The following GINM1 variants were observed in gnomAD, a reference collection of about 807,000 sequenced individuals.
GINM1 encodes the protein glycosylated integral membrane protein 1.
A neutral mutation model predicts 37.8 loss-of-function variants in GINM1; 29 were observed. The ratio of observed to expected loss-of-function variants is 0.77; its 90% CI spans 0.57 to 1.05. The LOEUF (loss-of-function observed/expected upper bound fraction) is 1.05, where lower values mean the gene tolerates loss of function less well. Ranked by LOEUF, GINM1 falls within the 50% of genes least tolerant of loss-of-function variation. The pLI is 0.00. For synonymous variants in GINM1, 143 were observed against 146.2 expected (o/e 0.98, Z 0.16); for missense variants, 377 against 397.9 (o/e 0.95, Z 0.45).
intron 3 of GINM1, chr6:149,578,017 T>TCTAGA (rs1777940945): frequency 1.3e-5 from 2 of 152,308 alleles, no homozygotes; most frequent in South Asian, 4.1e-4. Flanking sequence ...CTTTCCCCAT[T>TCTAGA]CCTGCTCTCT....
chr6:149,570,768 G>A (rs1465562982), intron 1 of GINM1, among the ~76,000 whole-genome samples: 1 of 152,168 alleles, frequency 6.6e-6, no homozygotes, highest in African/African-American at 2.4e-5. Flanking sequence ...CAAAGAAAAA[G>A]TATTTGAGAG....
intron 1 of GINM1, among the ~76,000 whole-genome samples, chr6:149,567,639 C>CA (rs768126964): frequency 1.1e-4 from 17 of 152,110 alleles, no homozygotes; most frequent in Non-Finnish European, 2.2e-4. Flanking sequence ...CAAAACAAAA[C>CA]AAACAAACAA....
In GINM1 at chr6:149,590,878, C is replaced by G. The variant is rs1439648236; in HGVS notation, c.*40C>G. 3.2e-6 allele frequency: 3 copies of G among 937,738 alleles called. No homozygotes were observed. Among genetic ancestry groups the G allele is most frequent in the African/African-American group, 1.7e-5 (1 of 60,198 alleles). 58.1% of individuals were successfully genotyped at this position (937,738 alleles called of 1,614,324 possible). A position where few individuals can be genotyped will look rare whatever the true frequency, so the allele number is the denominator to read the frequency against. ...TCATGGACTCCGAAGTAGCCTGTTG[C>G]CTCCAAATTTGCCACTTGAATATAA... On this transcript the variant is annotated 3_prime_UTR_variant, in exon 8 of 8. Coordinates refer to ENST00000367419, the MANE Select transcript of GINM1 (RefSeq NM_138785.5).
chr6:149,582,377 A>T, intron 6 of GINM1, 63 bp from the exon 7 acceptor site: 1 of 1,397,374 alleles, frequency 7.2e-7, no homozygotes, highest in Non-Finnish European at 9.9e-7. Flanking sequence ...AACATTAAAA[A>T]ATTTAAAGTT....
chr6:149,578,850 G>C lies in GINM1; in HGVS notation c.306G>C (p.Glu102Asp). ...IVKNENLENL[E>D]EKEYFGIVSV... is the part of the protein sequence containing the mutation. ...AGAATGAAAATCTTGAAAATTTGGA[G>C]GAAAAAGAATATTTTGGAATTGTCA... Residue 102 changes from glutamate to aspartate, a missense_variant, in exon 4 of 8, where the codon GAG (glutamate) becomes GAC (aspartate). Glu to Asp is a conservative substitution (Grantham distance 45). Coordinates refer to ENST00000367419, the MANE Select transcript of GINM1 (RefSeq NM_138785.5). The C allele has an allele frequency of 6.3e-7, 1 of 1,583,146 alleles. No homozygotes were observed. Among genetic ancestry groups the C allele is most frequent in the Non-Finnish European group, 8.6e-7 (1 of 1,161,924 alleles).
At chr6:149,570,154 A>ATG (rs1777791695) in intron 1 of GINM1, among the ~76,000 whole-genome samples, 1 of 39,434 alleles carries the variant, frequency 2.5e-5, no homozygotes, top group Non-Finnish European at 4.7e-5. Context: ...ATATATATAT[A>ATG]TATATATATA....
chr6:149,590,362 A>G (rs897301998), intron 7 of GINM1, among the ~76,000 whole-genome samples: 2 of 152,230 alleles, frequency 1.3e-5, no homozygotes, highest in East Asian at 1.9e-4. Flanking sequence ...GAGCAACACT[A>G]TCTAAAGACC....
intron 7 of GINM1, among the ~76,000 whole-genome samples, chr6:149,588,612 G>A (rs990769022): frequency 1.3e-5 from 2 of 151,914 alleles, no homozygotes; most frequent in Admixed American, 6.6e-5. Context: ...TAAAATTATG[G>A]GGCTTTTTTT....
chr6:149,576,830 C>T (rs977198208), intron 3 of GINM1, among the ~76,000 whole-genome samples: 1 of 152,154 alleles, frequency 6.6e-6, no homozygotes, highest in African/African-American at 2.4e-5. Context: ...TGAGGCTCTT[C>T]TCACATTGCT....
chr6:149,569,797 C>T (rs1028842646), intron 1 of GINM1, among the ~76,000 whole-genome samples: 2 of 152,026 alleles, frequency 1.3e-5, no homozygotes, highest in African/African-American at 4.8e-5. Context: ...CTTAGGAAGA[C>T]ACTTATGTCC....
intron 7 of GINM1, among the ~76,000 whole-genome samples, chr6:149,587,562 A>G (rs996747032): frequency 1.2e-4 from 18 of 152,320 alleles, no homozygotes; most frequent in African/African-American, 4.3e-4. Flanking sequence ...TACAAAGGAA[A>G]CATGAAGAGG....
In GINM1 at chr6:149,570,134, TTTTATA is replaced by T. The variant is rs1777787930; in HGVS notation, c.121-2149_121-2144del. 2.2e-4 allele frequency among the ~76,000 whole-genome samples: 21 copies of T among 96,132 alleles called. 4 individuals carry two copies. Among genetic ancestry groups the T allele is most frequent in the African/African-American group, 8.7e-4 (18 of 20,646 alleles). The allele number at this position is 96,132 out of a possible 152,430, so 63.1% of individuals were successfully genotyped here. A position where few individuals can be genotyped will look rare whatever the true frequency, so the allele number is the denominator to read the frequency against. ...AAACTCTGTAATTTTACTAGGTAGG[TTTTATA>T]TATATATATATATATATATATATAT... On this transcript the variant is annotated intron_variant, in intron 1 of 7. Coordinates refer to ENST00000367419, the MANE Select transcript of GINM1 (RefSeq NM_138785.5).
chr6:149,580,965 T>A (rs1477373684), intron 6 of GINM1, among the ~76,000 whole-genome samples: 1 of 152,246 alleles, frequency 6.6e-6, no homozygotes, highest in Non-Finnish European at 1.5e-5. Flanking sequence ...GTTGGAATTA[T>A]AAATTCCACA....
rs73781243 is a variant in GINM1 at position 149,590,762 on chromosome 6, C to G, written c.917C>G (p.Pro306Arg). 6.4e-4 allele frequency: 1,020 copies of G among 1,596,970 alleles called. 6 individuals carry two copies. In the African/African-American group the frequency reaches 0.012, roughly 19 times the overall value. Residue 306 changes from proline to arginine, a missense_variant, in exon 8 of 8, where the codon CCT becomes CGT. Physicochemically the swap from Pro to Arg is moderately radical, Grantham distance 103. Coordinates refer to ENST00000367419, the MANE Select transcript of GINM1 (RefSeq NM_138785.5). ...CAGTTGGATAAAGTGGACGTCATAC[C>G]TGTGACAGCTATCAACTTATATCCA... is the stretch of plus-strand genomic sequence containing the variant. ...ILQLDKVDVI[P>R]VTAINLYPDG...
chr6:149,574,834 G>C (rs1777890668), intron 3 of GINM1, among the ~76,000 whole-genome samples: 2 of 152,132 alleles, frequency 1.3e-5, no homozygotes, highest in Admixed American at 1.3e-4. Flanking sequence ...TACCACTGTA[G>C]TCCATCCTGG....
intron 1 of GINM1, among the ~76,000 whole-genome samples, chr6:149,568,777 G>T (rs139087796): frequency 3.3e-5 from 5 of 152,120 alleles, no homozygotes; most frequent in African/African-American, 9.7e-5. Flanking sequence ...TTTTATGTAT[G>T]CAGTTGTCAG....
Position 149,579,822 on chromosome 6 carries a change from T to A in GINM1, c.430-12T>A. On this transcript the variant is annotated splice_polypyrimidine_tract_variant and intron_variant, in intron 4 of 7. Transcript: ENST00000367419. ...TATTTAAAATAAAGAATAATTATAT[T>A]TTCTTTCACAGGTTCAGCAAAAGGA... 6.5e-7 allele frequency: 1 copy of A among 1,528,172 alleles called. No individual in the cohort carries two copies. Among genetic ancestry groups the A allele is most frequent in the Non-Finnish European group, 8.9e-7 (1 of 1,128,358 alleles). 94.7% of individuals were successfully genotyped at this position (1,528,172 alleles called of 1,614,324 possible).
intron 3 of GINM1, among the ~76,000 whole-genome samples, chr6:149,577,114 C>T: frequency 6.6e-6 from 1 of 152,226 alleles, no homozygotes; most frequent in Non-Finnish European, 1.5e-5. Context: ...CAGGCCCCGC[C>T]TCCAACATTG....
intron 1 of GINM1, among the ~76,000 whole-genome samples, chr6:149,570,076 A>G (rs569205678): frequency 1.4e-5 from 2 of 144,884 alleles, no homozygotes; most frequent in Admixed American, 7.1e-5. Context: ...TCTGGAAAAT[A>G]TAGTGTGCTT....
Sources: gnomAD v4.1 joint callset for allele counts (sites outside exome capture counted in the v4.1 genomes callset) on GRCh38, gnomAD v4.1.1 for gene constraint, MANE v1.5 for transcripts, NCBI Gene and HGNC (gene_info 2026-07-23, HGNC 2026-07-21) for gene names.